PCCA: variants seen among roughly 807,000 people sequenced by gnomAD.
PCCA encodes propionyl-CoA carboxylase subunit alpha.
Under a neutral mutation model 101.3 loss-of-function variants are expected in PCCA, and 74 were observed. The ratio of observed to expected loss-of-function variants is 0.73; its 90% CI spans 0.61 to 0.89. PCCA has a LOEUF of 0.89. PCCA is among the 40% of genes least tolerant of loss of function. PCCA has a pLI of 0.00. For missense variants in PCCA, 891 were observed against 907.0 expected, an observed-to-expected ratio of 0.98 and a Z score of 0.23; for synonymous variants, 294 against 313.6, an observed-to-expected ratio of 0.94 and a Z score of 0.66.
intron 6 of PCCA, among the ~76,000 whole-genome samples, chr13:100,186,753 A>AAAAAAAAAAAAC (rs1566661746): frequency 6.7e-6 from 1 of 150,174 alleles, no homozygotes; most frequent in African/African-American, 2.5e-5. Context: ...AAAAAACAAA[A>AAAAAAAAAAAAC]AAAAAAAGAA....
intron 7 of PCCA, among the ~76,000 whole-genome samples, chr13:100,217,054 A>G (rs1203452720): frequency 6.6e-6 from 1 of 151,728 alleles, no homozygotes; most frequent in Non-Finnish European, 1.5e-5. Flanking sequence ...GGTTGCAGTG[A>G]GCCGAGATCA....
In PCCA at chr13:100,425,741, G is replaced by T. The variant is rs1456360150; in HGVS notation, c.1845+10G>T. ...TCAGAGGACTGTCCAGGTGAGTGTT[G>T]TAAGGATTTCCTTAGAGGGCCTCCT... On this transcript the variant is annotated intron_variant, in intron 20 of 23. Coordinates refer to ENST00000376285, the MANE Select transcript of PCCA (RefSeq NM_000282.4). 3 of 1,589,564 alleles carry T rather than the reference G, an allele frequency of 1.9e-6. No individual in the cohort carries two copies. In the South Asian group the frequency reaches 3.3e-5, roughly 18 times the overall value.
At chr13:100,207,016 TC>T (rs2152474111) in intron 6 of PCCA, among the ~76,000 whole-genome samples, 1 of 152,352 alleles carries the variant, frequency 6.6e-6, no homozygotes, top group African/African-American at 2.4e-5. Context: ...TTTAACTGTT[TC>T]TTTGGATTTT....
chr13:100,393,195 A>G (rs1295943095), intron 19 of PCCA, among the ~76,000 whole-genome samples: 1 of 152,166 alleles, frequency 6.6e-6, no homozygotes, highest in East Asian at 1.9e-4. Context: ...GCTCAATATG[A>G]TTATATGAGC....
chr13:100,204,919 A>G (rs533253863), intron 6 of PCCA, among the ~76,000 whole-genome samples: 1 of 152,142 alleles, frequency 6.6e-6, no homozygotes, highest in East Asian at 1.9e-4. Flanking sequence ...TCAGCCTTCC[A>G]AGTACCTGGG....
chr13:100,461,293 C>T (rs376906589), intron 21 of PCCA, among the ~76,000 whole-genome samples: 8 of 152,066 alleles, frequency 5.3e-5, no homozygotes, highest in African/African-American at 1.4e-4. Flanking sequence ...TCATAGGACT[C>T]GAAATTTGCA....
chr13:100,529,659 G>A (rs1001112742), intron 23 of PCCA, among the ~76,000 whole-genome samples: 1 of 152,174 alleles, frequency 6.6e-6, no homozygotes, highest in Non-Finnish European at 1.5e-5. Flanking sequence ...TGACTGTCGT[G>A]TGTTTTGTTC....
chr13:100,152,251 C>T (rs2152377219), intron 4 of PCCA, among the ~76,000 whole-genome samples: 1 of 152,204 alleles, frequency 6.6e-6, no homozygotes, highest in South Asian at 2.1e-4. Flanking sequence ...GAAAAGAAGC[C>T]AACCAATCCT....
intron 19 of PCCA, among the ~76,000 whole-genome samples, chr13:100,424,678 A>T (rs376537225): frequency 6.6e-6 from 1 of 152,130 alleles, no homozygotes. Context: ...CCCCCGCCCT[A>T]TCCCCAAGGG....
At chr13:100,455,246 G>T (rs951901341) in intron 21 of PCCA, among the ~76,000 whole-genome samples, 1 of 152,212 alleles carries the variant, frequency 6.6e-6, no homozygotes, top group African/African-American at 2.4e-5. Context: ...TGAGAAGGAG[G>T]CTACTAGCCT....
intron 12 of PCCA, among the ~76,000 whole-genome samples, chr13:100,293,853 A>G (rs1269621605): frequency 6.6e-6 from 1 of 152,188 alleles, no homozygotes; most frequent in Non-Finnish European, 1.5e-5. Context: ...ATATGTATAG[A>G]TAAGCTTTTC....
At chr13:100,273,408 CT>C in intron 12 of PCCA, 62 bp downstream of exon 12, 2 of 1,355,238 alleles carry the variant, frequency 1.5e-6, no homozygotes, top group Non-Finnish European at 1.1e-6. Context: ...CTTCTCCACC[CT>C]TTTTTGTTTT....
chr13:100,461,828 C>T (rs965361817), intron 21 of PCCA, among the ~76,000 whole-genome samples: 3 of 152,232 alleles, frequency 2.0e-5, no homozygotes, highest in African/African-American at 7.2e-5. Flanking sequence ...CCTACCCAAG[C>T]TGCATTGGTC....
At chr13:100,384,150 C>T (rs1428244707) in intron 19 of PCCA, among the ~76,000 whole-genome samples, 3 of 152,012 alleles carry the variant, frequency 2.0e-5, no homozygotes, top group East Asian at 1.9e-4. Flanking sequence ...CTCAGCTTCC[C>T]GAGTAGCTGG....
chr13:100,184,418 G>A (rs368717404), intron 6 of PCCA, among the ~76,000 whole-genome samples: 1 of 152,152 alleles, frequency 6.6e-6, no homozygotes, highest in Non-Finnish European at 1.5e-5. Flanking sequence ...TCTCTGTTAA[G>A]TAGGCAGATA....
chr13:100,096,224 G>A (rs888072988), intron 1 of PCCA, among the ~76,000 whole-genome samples: 1 of 152,074 alleles, frequency 6.6e-6, no homozygotes, highest in African/African-American at 2.4e-5. Flanking sequence ...CTTTCCAATA[G>A]CACATACTTA....
At chr13:100,205,383 T>C (rs2058790190) in intron 6 of PCCA, among the ~76,000 whole-genome samples, 1 of 152,168 alleles carries the variant, frequency 6.6e-6, no homozygotes, top group Non-Finnish European at 1.5e-5. Context: ...TTTGCTTTAA[T>C]TACTTTTAAA....
chr13:100,114,907 A>G (rs2048659778), intron 4 of PCCA, among the ~76,000 whole-genome samples: 1 of 152,210 alleles, frequency 6.6e-6, no homozygotes, highest in Non-Finnish European at 1.5e-5. Context: ...TCCGGCTGCT[A>G]GATGTACATC....
chr13:100,191,404 G>A (rs780353403), intron 6 of PCCA, among the ~76,000 whole-genome samples: 5 of 152,164 alleles, frequency 3.3e-5, no homozygotes, highest in Non-Finnish European at 4.4e-5. Flanking sequence ...TGAGACTCTG[G>A]AGTCCCTTCA....
Sources: allele counts gnomAD v4.1 joint callset (sites outside exome capture counted in the v4.1 genomes callset), GRCh38; gene constraint gnomAD v4.1.1; transcripts MANE v1.5; gene names NCBI Gene and HGNC (gene_info 2026-07-23, HGNC 2026-07-21).